The following CNGA1 variants were observed in gnomAD, a reference collection of about 807,000 sequenced individuals.
CNGA1 encodes the protein cyclic nucleotide-gated channel alpha-1.
In CNGA1, 53 loss-of-function variants were observed where a neutral mutation model predicts 69.7. That is an observed-to-expected ratio of 0.76 (90% CI 0.61 to 0.96). The LOEUF is 0.96. CNGA1 is among the 40% of genes least tolerant of loss of function. The pLI, the probability that CNGA1 is intolerant of heterozygous loss-of-function variation, is 0.00. For missense variants in CNGA1, 739 were observed against 811.2 expected, an observed-to-expected ratio of 0.91 and a Z score of 1.08; for synonymous variants, 249 against 283.5, an observed-to-expected ratio of 0.88 and a Z score of 1.22.
At chr4:48,015,072 G>A (rs1213932912) in intron 1 of CNGA1, among the ~76,000 whole-genome samples, 2 of 152,112 alleles carry the variant, frequency 1.3e-5, no homozygotes, top group Admixed American at 1.3e-4. Flanking sequence ...CAGCTACTCG[G>A]GAGGCTGAGG....
intron 3 of CNGA1, among the ~76,000 whole-genome samples, chr4:47,973,659 G>C (rs1156420196): frequency 2.0e-5 from 3 of 151,668 alleles, no homozygotes; most frequent in African/African-American, 7.3e-5. Flanking sequence ...AACTTTTTGT[G>C]AAGAAGGTAT....
chr4:47,940,909 G>A lies in CNGA1; in HGVS notation c.546-40C>T, dbSNP rs777323706. The A allele has an allele frequency of 1.2e-5, 16 of 1,313,728 alleles. No homozygotes were observed. In the African/African-American group the frequency reaches 2.0e-4, roughly 17 times the overall value. The allele number at this position is 1,313,728 out of a possible 1,614,324, so 81.4% of individuals were successfully genotyped here. A position where few individuals can be genotyped will look rare whatever the true frequency, so the allele number is the denominator to read the frequency against. On this transcript the variant is annotated intron_variant, in intron 9 of 10. Coordinates refer to ENST00000514170, the MANE Select transcript of CNGA1 (RefSeq NM_001379270.1). ...ACACTTGTATAAATAAAAAAGAAAT[G>A]GGGGCCAATTTAAGTAAAAGTTCTC...
rs542670508 is a variant in CNGA1 at position 47,937,910 on chromosome 4, T to C, written c.653-81A>G. ...TTTTGTGAATAACTGTCAATTAACT[T>C]TGTTGAGGTCAACAGAAAAATTCAT... On this transcript the variant is annotated intron_variant, in intron 10 of 10. Coordinates refer to ENST00000514170, the MANE Select transcript of CNGA1 (RefSeq NM_001379270.1). 2.9e-6 allele frequency: 3 copies of C among 1,052,584 alleles called. No individual in the cohort carries two copies. In the African/African-American group the frequency reaches 4.7e-5, roughly 17 times the overall value. 65.2% of individuals were successfully genotyped at this position (1,052,584 alleles called of 1,614,324 possible).
At chr4:47,940,424 G>A (rs190924032) in intron 10 of CNGA1, among the ~76,000 whole-genome samples, 2 of 152,174 alleles carry the variant, frequency 1.3e-5, no homozygotes, top group Admixed American at 6.5e-5. Context: ...TTTTCCCCAC[G>A]ACTCTTTACA....
chr4:47,973,702 GT>G (rs1309001576), intron 3 of CNGA1, among the ~76,000 whole-genome samples: 2 of 150,610 alleles, frequency 1.3e-5, no homozygotes, highest in Admixed American at 6.6e-5. Flanking sequence ...TTCGGGATGT[GT>G]AAAAAAAAAA....
intron 2 of CNGA1, among the ~76,000 whole-genome samples, chr4:47,987,148 T>C (rs1301309812): frequency 6.6e-6 from 1 of 152,210 alleles, no homozygotes; most frequent in Non-Finnish European, 1.5e-5. Context: ...AGGCTACTTT[T>C]AATCTTGTTC....
At chr4:47,996,452 G>A (rs2110241996) in intron 2 of CNGA1, among the ~76,000 whole-genome samples, 1 of 152,256 alleles carries the variant, frequency 6.6e-6, no homozygotes, top group Admixed American at 6.5e-5. Flanking sequence ...CCTGAACCTT[G>A]TTGTTGCCAT....
At chr4:47,992,968 A>G (rs1299631703) in intron 2 of CNGA1, among the ~76,000 whole-genome samples, 1 of 152,054 alleles carries the variant, frequency 6.6e-6, no homozygotes, top group Non-Finnish European at 1.5e-5. Context: ...TTTGTTCTTA[A>G]TTCTCTTTAT....
intron 3 of CNGA1, among the ~76,000 whole-genome samples, chr4:47,968,260 T>G (rs1180946196): frequency 1.3e-5 from 2 of 152,234 alleles, no homozygotes; most frequent in African/African-American, 4.8e-5. Context: ...TAGTAGATAT[T>G]TGTACAATGT....
At chr4:48,012,558 C>CTTTTTTTTTTTTTTTTT (rs528643370) in intron 1 of CNGA1, among the ~76,000 whole-genome samples, 11 of 64,994 alleles carry the variant, frequency 1.7e-4, no homozygotes, top group African/African-American at 7.3e-4. Context: ...ACCACACCAT[C>CTTTTTTTTTTTTTTTTT]TTTTTTTTTT....
intron 3 of CNGA1, among the ~76,000 whole-genome samples, chr4:47,981,148 T>C (rs555756243): frequency 4.6e-5 from 7 of 152,290 alleles, no homozygotes; most frequent in African/African-American, 1.7e-4. Flanking sequence ...AAAACTAAAA[T>C]TTGTGAAAAG....
intron 2 of CNGA1, among the ~76,000 whole-genome samples, chr4:48,003,679 A>T (rs1378817437): frequency 6.6e-6 from 1 of 152,192 alleles, no homozygotes; most frequent in African/African-American, 2.4e-5. Context: ...AAACCAGGCC[A>T]TACAGAGATA....
intron 3 of CNGA1, among the ~76,000 whole-genome samples, chr4:47,972,569 G>T (rs1560298880): frequency 6.6e-6 from 1 of 152,174 alleles, no homozygotes; most frequent in African/African-American, 2.4e-5. Context: ...AATCCGATGG[G>T]TGAGCATTTT....
In CNGA1 at chr4:47,975,166, TAAAATTGTCAAAGCAACTATTA is replaced by T. The variant is rs543534260; in HGVS notation, c.-15+6205_-15+6226del. 1.6e-3 allele frequency among the ~76,000 whole-genome samples: 248 copies of T among 152,306 alleles called. 1 individual carries two copies. The highest frequency in any genetic ancestry group is 5.6e-3 in the African/African-American group (231 of 41,580). On this transcript the variant is annotated intron_variant, in intron 3 of 10. Transcript: ENST00000514170. ...CCCCTGAAATATCACTTTGAGACTTTAAAATTGTCAAAGCAACTATTAAAGAAAATAATAATTATCCTTATAG... is the reference window on the plus strand; with the variant it reads ...CCCCTGAAATATCACTTTGAGACTTTAAGAAAATAATAATTATCCTTATAG...
intron 3 of CNGA1, among the ~76,000 whole-genome samples, chr4:47,953,222 G>T (rs1202771750): frequency 6.6e-6 from 1 of 152,148 alleles, no homozygotes; most frequent in Non-Finnish European, 1.5e-5. Flanking sequence ...TAGAATGCAG[G>T]CATGGCCTGT....
intron 3 of CNGA1, among the ~76,000 whole-genome samples, chr4:47,953,125 A>T (rs1343120773): frequency 6.6e-6 from 1 of 152,224 alleles, no homozygotes; most frequent in African/African-American, 2.4e-5. Flanking sequence ...TTGGGTGGGT[A>T]CACAGCCAAA....
chr4:48,008,470 C>T (rs139804288), intron 2 of CNGA1, among the ~76,000 whole-genome samples: 2,406 of 152,094 alleles, frequency 0.016, 62 homozygotes, highest in African/African-American at 0.053. Flanking sequence ...AAAAAATTGT[C>T]CACCTTTTTT....
At chr4:47,988,871 T>G (rs1742108636) in intron 2 of CNGA1, among the ~76,000 whole-genome samples, 1 of 152,052 alleles carries the variant, frequency 6.6e-6, no homozygotes, top group Non-Finnish European at 1.5e-5. Context: ...ATCGGTTTGG[T>G]TGAAAAAAAT....
chr4:47,969,824 C>G (rs1319348356), intron 3 of CNGA1, among the ~76,000 whole-genome samples: 1 of 152,140 alleles, frequency 6.6e-6, no homozygotes, highest in African/African-American at 2.4e-5. Flanking sequence ...CATCTTCCAT[C>G]ATTCCTTCCA....
Sources: allele counts gnomAD v4.1 joint callset (sites outside exome capture counted in the v4.1 genomes callset), GRCh38; gene constraint gnomAD v4.1.1; transcripts MANE v1.5; gene names NCBI Gene and HGNC (gene_info 2026-07-23, HGNC 2026-07-21).